The following ABCG1 variants were observed in gnomAD, a reference collection of about 807,000 sequenced individuals.
ABCG1 encodes ATP-binding cassette sub-family G member 1.
A neutral mutation model predicts 69.2 loss-of-function variants in ABCG1; 29 were observed. That is an observed-to-expected ratio of 0.42 (90% CI 0.31 to 0.57). The LOEUF is 0.57. Ranked by LOEUF, ABCG1 falls within the 20% of genes least tolerant of loss-of-function variation. The probability of loss-of-function intolerance (pLI) is 0.15; values close to 1 mark genes in which losing one functional copy is unlikely to be tolerated. For missense variants in ABCG1, 718 were observed against 898.1 expected, an observed-to-expected ratio of 0.80 and a Z score of 2.56; for synonymous variants, 370 against 374.8, an observed-to-expected ratio of 0.99 and a Z score of 0.15.
In ABCG1 at chr21:42,219,898, G is replaced by T; in HGVS notation, c.42+594G>T. 6.5e-7 allele frequency: 1 copy of T among 1,547,056 alleles called. No individual in the cohort carries two copies. The highest frequency in any genetic ancestry group is 1.2e-5 in the South Asian group (1 of 83,930). On this transcript the variant is annotated intron_variant, in intron 1 of 14. Transcript: ENST00000398449. The surrounding 1 kb of genome is among the most constrained non-coding windows in gnomAD (Gnocchi z 5.3). The stretch of plus-strand genomic sequence containing the variant: ...CGGCGGCGAAGGCCCGGGGAGACCC[G>T]CGAGGGGCAAGCCCGGATTCCTGCC...
chr21:42,219,061 G>A, upstream of ABCG1: 2 of 291,584 alleles, frequency 6.9e-6, no homozygotes, highest in Non-Finnish European at 5.9e-6. This position sits in a 1 kb window ranked among gnomAD's most constrained non-coding sequence, Gnocchi z 5.3. Context: ...CGGCCCGCCC[G>A]CCCCCTTGGT....
Position 42,219,869 on chromosome 21 carries a change from G to A in ABCG1, c.42+565G>A. On this transcript the variant is annotated intron_variant, in intron 1 of 14. Transcript: ENST00000398449. The surrounding 1 kb of genome is among the most constrained non-coding windows in gnomAD (Gnocchi z 5.3). ...ACACCCTCTCCCGGACCCACTCGGG[G>A]AGGCGGCGGCGAAGGCCCGGGGAGA... 6.5e-7 allele frequency: 1 copy of A among 1,536,254 alleles called. No homozygotes were observed. Among genetic ancestry groups the A allele is most frequent in the South Asian group, 1.2e-5 (1 of 83,112 alleles).
chr21:42,213,409 A>G (rs1336772778), upstream of ABCG1, among the ~76,000 whole-genome samples: 1 of 152,268 alleles, frequency 6.6e-6, no homozygotes, highest in Non-Finnish European at 1.5e-5. Flanking sequence ...GGCTAACTCC[A>G]TCTGGATTTC....
At chr21:42,210,062 C>A (rs4148089) in intron 2 of ABCG1, among the ~76,000 whole-genome samples, 1 of 151,712 alleles carries the variant, frequency 6.6e-6, no homozygotes, top group African/African-American at 2.4e-5. Context: ...CCTTCGTCTC[C>A]GGCTCTACTT....
chr21:42,212,882 A>G (rs971606477), upstream of ABCG1, among the ~76,000 whole-genome samples: 59 of 152,146 alleles, frequency 3.9e-4, no homozygotes, highest in Non-Finnish European at 3.1e-4. Context: ...TTTAGTAGAG[A>G]TGGGGTTTCA....
chr21:42,292,580 C>T (rs886188941), intron 13 of ABCG1, among the ~76,000 whole-genome samples: 1 of 151,848 alleles, frequency 6.6e-6, no homozygotes. Flanking sequence ...CATGCACACA[C>T]ACACTACACA....
chr21:42,260,173 C>T (rs1351902750), intron 2 of ABCG1: 2 of 1,550,364 alleles, frequency 1.3e-6, no homozygotes, highest in Admixed American at 2.0e-5. Flanking sequence ...TCGGGTGAAG[C>T]TGGTCACGTG....
At chr21:42,231,327 G>A (rs2067898171) in intron 2 of ABCG1, among the ~76,000 whole-genome samples, 1 of 152,220 alleles carries the variant, frequency 6.6e-6, no homozygotes. Context: ...TCTGCAGTCA[G>A]GCCGTGGCCT....
intron 2 of ABCG1, among the ~76,000 whole-genome samples, chr21:42,245,092 G>T (rs190616035): frequency 6.6e-6 from 1 of 152,238 alleles, no homozygotes; most frequent in East Asian, 1.9e-4. Context: ...GGAGTGAGGA[G>T]TGGTGTTTGC....
At chr21:42,256,686 G>T in intron 2 of ABCG1, 1 of 1,439,296 alleles carries the variant, frequency 6.9e-7, no homozygotes, top group Non-Finnish European at 9.1e-7. Flanking sequence ...AGAGACTGAT[G>T]GCTTCTCTGC....
rs2068708368 is a variant in ABCG1, at chr21:42,276,247, A to T, written c.538-648A>T. ...CTGTGTTAGCAAACGGGATCTCAAA[A>T]AACACAACAACAACAAAACGCGGCA... is the stretch of plus-strand genomic sequence containing the variant. On this transcript the variant is annotated intron_variant, in intron 4 of 14. Coordinates refer to ENST00000398449, the MANE Select transcript of ABCG1 (RefSeq NM_016818.3). The surrounding 1 kb of genome is among the most constrained non-coding windows in gnomAD (Gnocchi z 5.3). 6.6e-6 allele frequency: 1 copy of T among 152,324 alleles called. No individual in the cohort carries two copies. The highest frequency in any genetic ancestry group is 1.5e-5 in the Non-Finnish European group (1 of 68,160). 9.4% of individuals were successfully genotyped at this position (152,324 alleles called of 1,614,324 possible).
At chr21:42,265,967 G>A (rs1469001229) in intron 2 of ABCG1, among the ~76,000 whole-genome samples, 1 of 152,206 alleles carries the variant, frequency 6.6e-6, no homozygotes, top group Non-Finnish European at 1.5e-5. Flanking sequence ...GCCTGGATAA[G>A]TGGGCTTGCT....
intron 7 of ABCG1, 72 bp downstream of exon 7, chr21:42,284,755 G>A: frequency 1.3e-6 from 2 of 1,555,516 alleles, no homozygotes; most frequent in Non-Finnish European, 1.7e-6. Context: ...ACCAAACCCT[G>A]GGTACCCACT....
intron 2 of ABCG1, among the ~76,000 whole-genome samples, chr21:42,235,088 G>T (rs1357908129): frequency 2.0e-5 from 3 of 152,176 alleles, no homozygotes; most frequent in Non-Finnish European, 4.4e-5. Context: ...CCGGCGCCCC[G>T]CGCGTGCTGG....
chr21:42,251,061 A>G lies in ABCG1; in HGVS notation c.287-20009A>G, dbSNP rs114426710. On this transcript the variant is annotated intron_variant, in intron 2 of 14. Coordinates refer to ENST00000398449, the MANE Select transcript of ABCG1 (RefSeq NM_016818.3). The stretch of plus-strand genomic sequence containing the variant: ...ACTTGCCTGACCATACCCTGTGAGG[A>G]GCTAGGGCTGTCACTATCTCCTCTG... Among the ~76,000 whole-genome samples, 951 of 152,116 alleles carry G rather than the reference A, an allele frequency of 6.3e-3. 13 individuals are homozygous for G. The highest frequency in any genetic ancestry group is 0.022 in the African/African-American group (911 of 41,464).
Position 42,296,535 on chromosome 21 carries a change from C to G in ABCG1, c.*143C>G, listed in dbSNP as rs1207897432. The G allele has an allele frequency of 9.8e-6, 7 of 712,074 alleles. No individual in the cohort carries two copies. Among genetic ancestry groups the G allele is most frequent in the Non-Finnish European group, 1.7e-5 (7 of 419,538 alleles). The allele number at this position is 712,074 out of a possible 1,614,324, so 44.1% of individuals were successfully genotyped here. ...AGAACCGCGTTGGGTTTGTGGGTGTCTCGTGCTCAGCCACTCTGCCCAGCT... is the reference window on the plus strand; with the variant it reads ...AGAACCGCGTTGGGTTTGTGGGTGTGTCGTGCTCAGCCACTCTGCCCAGCT... On this transcript the variant is annotated 3_prime_UTR_variant, in exon 15 of 15. Coordinates refer to ENST00000398449, the MANE Select transcript of ABCG1 (RefSeq NM_016818.3). This position sits in a 1 kb window ranked among gnomAD's most constrained non-coding sequence, Gnocchi z 5.4.
At position 42,291,862 on chromosome 21, in the gene ABCG1, G is replaced by A. The variant is rs973228303; in HGVS notation, c.1653+206G>A. ...GCGCACAGCGGGCAGCCTCACGTGT[G>A]CTGACTGCGTGCTGGGCGCTCTTCC... On this transcript the variant is annotated intron_variant, in intron 13 of 14. Coordinates refer to ENST00000398449, the MANE Select transcript of ABCG1 (RefSeq NM_016818.3). This position sits in a 1 kb window ranked among gnomAD's most constrained non-coding sequence, Gnocchi z 6.4. Among the ~76,000 whole-genome samples the A allele has an allele frequency of 6.6e-6, 1 of 152,184 alleles. No individual in the cohort carries two copies. The highest frequency in any genetic ancestry group is 1.5e-5 in the Non-Finnish European group (1 of 68,014).
intron 2 of ABCG1, among the ~76,000 whole-genome samples, chr21:42,243,449 T>TGTGC (rs1449325370): frequency 4.8e-4 from 27 of 56,052 alleles, no homozygotes; most frequent in African/African-American, 1.1e-3. Context: ...TGTGTGCGCG[T>TGTGC]GTGTGTGTGT....
chr21:42,248,902 CAAA>C (rs71332356), intron 2 of ABCG1, among the ~76,000 whole-genome samples: 5 of 91,046 alleles, frequency 5.5e-5, no homozygotes, highest in Admixed American at 1.2e-4. Context: ...AGACCTCTCT[CAAA>C]AAAAAAAAAA....
Sources: gnomAD v4.1 joint callset for allele counts (sites outside exome capture counted in the v4.1 genomes callset) on GRCh38, gnomAD v4.1.1 for gene constraint, Gnocchi (gnomAD v3.1) non-coding constraint, MANE v1.5 for transcripts, NCBI Gene and HGNC (gene_info 2026-07-23, HGNC 2026-07-21) for gene names.